Variants in BEND7 observed in about 807,000 individuals in gnomAD.
BEND7 encodes the protein BEN domain containing 7, also known as BEN domain-containing protein 7.
Under a neutral mutation model 50.9 loss-of-function variants are expected in BEND7, and 28 were observed. The ratio of observed to expected loss-of-function variants is 0.55; its 90% CI spans 0.41 to 0.75. The LOEUF (loss-of-function observed/expected upper bound fraction) is 0.75, where lower values mean the gene tolerates loss of function less well. Among genes scored for constraint, BEND7 ranks in the 30% least tolerant of loss-of-function variants. BEND7 has a pLI of 0.00. For missense variants in BEND7, 477 were observed against 491.3 expected (o/e 0.97, Z 0.28); for synonymous variants, 170 against 183.9 (o/e 0.92, Z 0.61).
downstream of BEND7, chr10:13,439,549 G>T (rs769778326): frequency 5.9e-5 from 89 of 1,512,088 alleles, no homozygotes; most frequent in Non-Finnish European, 1.7e-5. Context: ...TAACTCACCT[G>T]TCTCCTCCAA....
chr10:13,452,588 A>G lies in BEND7; in HGVS notation c.1134T>C (p.Ile378=). 1 of 1,613,708 alleles carries G rather than the reference A, an allele frequency of 6.2e-7. No individual in the cohort carries two copies. Among genetic ancestry groups the G allele is most frequent in the Non-Finnish European group, 8.5e-7 (1 of 1,179,730 alleles). ...KLPGPRDWVQ[I]LQDQIKLARR... Reference sequence around the variant, plus strand: ...TGGCCAGTTTAATTTGATCCTGTAGAATCTGTACCCAATCTCTTGGGCCAG... The same window carrying G: ...TGGCCAGTTTAATTTGATCCTGTAGGATCTGTACCCAATCTCTTGGGCCAG... The change falls in exon 7 of 9, where the codon ATT becomes ATC. Residue 378 remains isoleucine (I), a synonymous_variant. Coordinates refer to ENST00000466271, the MANE Select transcript of BEND7 (RefSeq NM_001369863.1).
intron 1 of BEND7, among the ~76,000 whole-genome samples, chr10:13,528,139 C>T (rs549604584): frequency 4.9e-4 from 74 of 152,156 alleles, no homozygotes; most frequent in Non-Finnish European, 5.3e-4. Flanking sequence ...CGAGGGTCCA[C>T]GCTCGGCCTG....
chr10:13,440,738 G>A (rs1339304935), downstream of BEND7, among the ~76,000 whole-genome samples: 2 of 152,262 alleles, frequency 1.3e-5, no homozygotes, highest in African/African-American at 4.8e-5. Flanking sequence ...TCCGTCTGAT[G>A]TGTTGTTTCC....
chr10:13,493,936 A>G (rs534750988), intron 4 of BEND7, among the ~76,000 whole-genome samples: 1 of 152,230 alleles, frequency 6.6e-6, no homozygotes, highest in Admixed American at 6.5e-5. Context: ...ACCTCTTATC[A>G]GTCTGAAAAT....
intron 2 of BEND7, among the ~76,000 whole-genome samples, chr10:13,518,274 C>T (rs940163541): frequency 1.3e-5 from 2 of 149,114 alleles, no homozygotes; most frequent in South Asian, 2.2e-4. Flanking sequence ...TGCCCCCATG[C>T]GGGCCGTGGC....
chr10:13,475,979 T>C (rs2075400379), intron 6 of BEND7, among the ~76,000 whole-genome samples: 2 of 152,204 alleles, frequency 1.3e-5, no homozygotes, highest in Non-Finnish European at 2.9e-5. Context: ...TTCAACCTTG[T>C]TCTTATAAAA....
intron 5 of BEND7, 63 bp downstream of exon 5, chr10:13,492,548 A>G (rs113977361): frequency 7.0e-6 from 11 of 1,581,458 alleles, no homozygotes; most frequent in African/African-American, 6.8e-5. Context: ...AAATCTATAA[A>G]TACTATAAAA....
chr10:13,521,416 C>A (rs936382426), intron 2 of BEND7, among the ~76,000 whole-genome samples: 1 of 152,204 alleles, frequency 6.6e-6, no homozygotes, highest in Non-Finnish European at 1.5e-5. Context: ...TGGCACACAG[C>A]AAGCTCTGGG....
intron 2 of BEND7, among the ~76,000 whole-genome samples, chr10:13,524,680 C>G (rs1342472369): frequency 6.7e-6 from 1 of 148,388 alleles, no homozygotes; most frequent in African/African-American, 2.5e-5. Context: ...TTCCAACTGA[C>G]CAAGTTTAGG....
chr10:13,524,019 T>C (rs2079258857), intron 2 of BEND7, among the ~76,000 whole-genome samples: 1 of 152,212 alleles, frequency 6.6e-6, no homozygotes, highest in Admixed American at 6.5e-5. Flanking sequence ...GGTCCTTCAT[T>C]GGAATTCTTG....
At chr10:13,508,177 C>T (rs1250013048) in intron 2 of BEND7, among the ~76,000 whole-genome samples, 2 of 152,204 alleles carry the variant, frequency 1.3e-5, no homozygotes, top group Non-Finnish European at 2.9e-5. Context: ...ACCCCATTAA[C>T]ATGCAGATGC....
chr10:13,487,212 G>T (rs2076282046), intron 5 of BEND7, among the ~76,000 whole-genome samples: 1 of 151,996 alleles, frequency 6.6e-6, no homozygotes, highest in Non-Finnish European at 1.5e-5. Context: ...CCTATGAAAT[G>T]GCTACTATTA....
chr10:13,496,699 T>C, intron 4 of BEND7, 67 bp downstream of exon 4: 14 of 1,541,292 alleles, frequency 9.1e-6, no homozygotes, highest in East Asian at 2.4e-5. Context: ...ACAATGAACA[T>C]TCCAACGGAA....
intron 6 of BEND7, among the ~76,000 whole-genome samples, chr10:13,480,184 T>C (rs2075758232): frequency 6.6e-6 from 1 of 152,234 alleles, no homozygotes. Context: ...GATTGCTTAA[T>C]ATGGGCATTT....
At chr10:13,521,728 G>A (rs574349403) in intron 2 of BEND7, among the ~76,000 whole-genome samples, 16 of 152,306 alleles carry the variant, frequency 1.1e-4, no homozygotes, top group African/African-American at 3.6e-4. Flanking sequence ...TCTTGGAAGT[G>A]GGGCTCAGCT....
At position 13,499,841 on chromosome 10, in the gene BEND7, C is replaced by G; in HGVS notation, c.385G>C (p.Gly129Arg). 6.2e-7 allele frequency: 1 copy of G among 1,614,164 alleles called. No homozygotes were observed. Among genetic ancestry groups the G allele is most frequent in the Admixed American group, 1.7e-5 (1 of 60,026 alleles). Residue 129 changes from glycine to arginine, a missense_variant, in exon 3 of 9, where the codon GGG becomes CGG. Coordinates refer to ENST00000466271, the MANE Select transcript of BEND7 (RefSeq NM_001369863.1). ...GTTCTAGAACGGGTGCCATACTGCCCTGAGAACTGTCCACTCTGGGGCGGT... is the reference window on the plus strand; with the variant it reads ...GTTCTAGAACGGGTGCCATACTGCCGTGAGAACTGTCCACTCTGGGGCGGT... ...ELPPQSGQFS[G>R]QYGTRSRTFQ...
intron 5 of BEND7, among the ~76,000 whole-genome samples, chr10:13,491,617 C>A (rs2076670696): frequency 6.7e-6 from 1 of 149,580 alleles, no homozygotes; most frequent in African/African-American, 2.5e-5. Context: ...AAAGTTCCAA[C>A]AACTTTCCAA....
At chr10:13,500,138 C>G (rs2077335482) in intron 2 of BEND7, 58 bp from the exon 3 acceptor site, 1 of 1,338,576 alleles carries the variant, frequency 7.5e-7, no homozygotes, top group South Asian at 1.5e-5. Context: ...AAACAGTTCA[C>G]TAACCAAAAA....
chr10:13,492,386 C>T (rs139239013), intron 5 of BEND7, among the ~76,000 whole-genome samples: 13 of 152,340 alleles, frequency 8.5e-5, no homozygotes, highest in African/African-American at 2.9e-4. Flanking sequence ...CGCCATCACC[C>T]TCCTCCTTTC....
Sources: allele counts gnomAD v4.1 joint callset (sites outside exome capture counted in the v4.1 genomes callset), GRCh38; gene constraint gnomAD v4.1.1; transcripts MANE v1.5; gene names NCBI Gene and HGNC (gene_info 2026-07-23, HGNC 2026-07-21).